Variants in WDR33 observed in about 807,000 individuals in gnomAD.
WDR33 encodes the protein pre-mRNA 3' end processing protein WDR33.
WDR33 carries 47 observed loss-of-function variants against 164.9 expected under a neutral mutation model. That is an observed-to-expected ratio of 0.29 (90% CI 0.23 to 0.36). The LOEUF (loss-of-function observed/expected upper bound fraction) is 0.36. WDR33 is among the 10% of genes least tolerant of loss of function. The pLI, the probability that WDR33 is intolerant of heterozygous loss-of-function variation, is 1.00. For synonymous variants in WDR33, 505 were observed against 589.0 expected (o/e 0.86, Z 2.06); for missense variants, 1,137 against 1,754.1 (o/e 0.65, Z 6.28).
rs776565853 is a variant in WDR33, at chr2:127,706,313, G to C, written c.*10C>G. ...GTCCAGAGAGGCCTCAGGGTACTCA[G>C]TTCCAGCTTCTACCGACCCCTTCCA... On this transcript the variant is annotated 3_prime_UTR_variant, in exon 22 of 22. Transcript: ENST00000322313. This position sits in a 1 kb window ranked among gnomAD's most constrained non-coding sequence, Gnocchi z 5.1. 1.3e-6 allele frequency: 2 copies of C among 1,546,444 alleles called. No individual in the cohort carries two copies. Among genetic ancestry groups the C allele is most frequent in the East Asian group, 4.5e-5 (2 of 44,094 alleles).
intron 4 of WDR33, among the ~76,000 whole-genome samples, 196 bp from the exon 5 acceptor site, chr2:127,765,465 T>TGGTTTATTA (rs1687793523): frequency 6.6e-6 from 1 of 152,242 alleles, no homozygotes; most frequent in East Asian, 1.9e-4. Context: ...TCTAGTCCTT[T>TGGTTTATTA]GGTTTATTAG....
intron 7 of WDR33, among the ~76,000 whole-genome samples, chr2:127,746,307 C>T (rs1413254622): frequency 2.0e-5 from 3 of 152,170 alleles, no homozygotes; most frequent in Admixed American, 6.5e-5. Context: ...TATTCCAATA[C>T]TAATTTTTGA....
chr2:127,772,255 G>A (rs971736210), intron 1 of WDR33, among the ~76,000 whole-genome samples: 1 of 152,230 alleles, frequency 6.6e-6, no homozygotes, highest in South Asian at 2.1e-4. Flanking sequence ...TGGCCAACAT[G>A]GTGAAACCCC....
At position 127,723,075 on chromosome 2, in the gene WDR33, A is replaced by G; in HGVS notation, c.1292-31T>C. On this transcript the variant is annotated intron_variant, in intron 12 of 21. Coordinates refer to ENST00000322313, the MANE Select transcript of WDR33 (RefSeq NM_018383.5). This position sits in a 1 kb window ranked among gnomAD's most constrained non-coding sequence, Gnocchi z 5.9. ...AATAGTAATACACCATTGTCAATAG[A>G]GAATTTACAAAAGTAGCGACTGATA... is the stretch of plus-strand genomic sequence containing the variant. 6.4e-7 allele frequency: 1 copy of G among 1,560,078 alleles called. No individual in the cohort carries two copies. Among genetic ancestry groups the G allele is most frequent in the Non-Finnish European group, 8.7e-7 (1 of 1,150,846 alleles).
At chr2:127,729,961 C>G (rs1837308) in intron 7 of WDR33, among the ~76,000 whole-genome samples, 20,087 of 152,104 alleles carry the variant, frequency 0.13, 1,448 homozygotes, top group South Asian at 0.25. Context: ...CAGAGGGACA[C>G]ACACCCACGC....
intron 7 of WDR33, among the ~76,000 whole-genome samples, chr2:127,730,289 T>A (rs941245990): frequency 6.6e-6 from 1 of 152,196 alleles, no homozygotes; most frequent in Non-Finnish European, 1.5e-5. Context: ...TAAGCTGGAA[T>A]AGAAGAAAAT....
chr2:127,743,022 A>G (rs1250577992), intron 7 of WDR33, among the ~76,000 whole-genome samples: 1 of 152,156 alleles, frequency 6.6e-6, no homozygotes, highest in Non-Finnish European at 1.5e-5. Flanking sequence ...AAAATTCAGA[A>G]GGCAAAGGAT....
rs1229186158 is a variant in WDR33, at chr2:127,702,163, T to C, written c.*4160A>G. 1 of 1,214,452 alleles carries C rather than the reference T, an allele frequency of 8.2e-7. No individual in the cohort carries two copies. The highest frequency in any genetic ancestry group is 4.4e-5 in the Admixed American group (1 of 22,974). 75.2% of individuals were successfully genotyped at this position (1,214,452 alleles called of 1,614,324 possible). On this transcript the variant is annotated 3_prime_UTR_variant, in exon 22 of 22. Transcript: ENST00000322313. ...GGCCGCGGCGCCGGCCTCGCCAAGG[T>C]GCTGCCCGTGTGAGGACCTCGCGCC...
intron 7 of WDR33, among the ~76,000 whole-genome samples, chr2:127,752,379 A>C (rs994593316): frequency 2.0e-5 from 3 of 151,684 alleles, no homozygotes; most frequent in African/African-American, 7.3e-5. Context: ...TCATGAGGTC[A>C]GGAGATCGAG....
At chr2:127,788,277 C>A (rs1688682219) in intron 1 of WDR33, among the ~76,000 whole-genome samples, 1 of 127,874 alleles carries the variant, frequency 7.8e-6, no homozygotes, top group African/African-American at 3.1e-5. Context: ...CCGGACAGGG[C>A]GGCCGGCCGG....
At chr2:127,798,367 CA>C (rs61568967) in intron 1 of WDR33, among the ~76,000 whole-genome samples, 508 of 19,254 alleles carry the variant, frequency 0.026, no homozygotes, top group African/African-American at 0.044. Flanking sequence ...GACACCGTCG[CA>C]AAAAAAAAAA....
At position 127,720,399 on chromosome 2, in the gene WDR33, G is replaced by A. The variant is rs747862074; in HGVS notation, c.1672-46C>T. On this transcript the variant is annotated intron_variant, in intron 15 of 21. Coordinates refer to ENST00000322313, the MANE Select transcript of WDR33 (RefSeq NM_018383.5). This position sits in a 1 kb window ranked among gnomAD's most constrained non-coding sequence, Gnocchi z 5.9. ...AAGCATGTTGAATAAACAGGCCAGA[G>A]CCCTTGAAGATGACAATATTGCTAT... 1.3e-6 allele frequency: 2 copies of A among 1,490,180 alleles called. No homozygotes were observed. Among genetic ancestry groups the A allele is most frequent in the Non-Finnish European group, 1.8e-6 (2 of 1,122,250 alleles). The allele number at this position is 1,490,180 out of a possible 1,614,324, so 92.3% of individuals were successfully genotyped here. A position where few individuals can be genotyped will look rare whatever the true frequency, so the allele number is the denominator to read the frequency against.
intron 1 of WDR33, among the ~76,000 whole-genome samples, chr2:127,788,291 G>C (rs1249573482): frequency 3.9e-4 from 50 of 129,326 alleles, no homozygotes; most frequent in Non-Finnish European, 7.4e-4. Context: ...CGGCCGGGCG[G>C]GGGGCTGACC....
In WDR33 at chr2:127,725,104, T is replaced by G; in HGVS notation, c.963A>C (p.Lys321Asn). 2 of 1,613,746 alleles carry G rather than the reference T, an allele frequency of 1.2e-6. No homozygotes were observed. The highest frequency in any genetic ancestry group is 1.7e-6 in the Non-Finnish European group (2 of 1,179,932). Residue 321 changes from lysine to asparagine, a missense_variant, in exon 9 of 22, where the codon AAA becomes AAC. Coordinates refer to ENST00000322313, the MANE Select transcript of WDR33 (RefSeq NM_018383.5). Reference sequence around the variant, plus strand: ...GACCTCGGAAGACTTGAAGCTCTTCTTTTAGGTTTCTGATATCAAAAAGTT... The same window carrying G: ...GACCTCGGAAGACTTGAAGCTCTTCGTTTAGGTTTCTGATATCAAAAAGTT... ...LCKLFDIRNLKEELQVFRGHK... is the reference protein window; with the variant it reads ...LCKLFDIRNLNEELQVFRGHK...
At chr2:127,802,525 GC>G (rs1233450401) in intron 1 of WDR33, among the ~76,000 whole-genome samples, 2 of 151,932 alleles carry the variant, frequency 1.3e-5, no homozygotes, top group African/African-American at 4.8e-5. Context: ...CAGGTGATCT[GC>G]CCCCCTCGGC....
At chr2:127,809,836 A>G (rs533482249) in intron 1 of WDR33, among the ~76,000 whole-genome samples, 1 of 152,322 alleles carries the variant, frequency 6.6e-6, no homozygotes, top group African/African-American at 2.4e-5. Context: ...TGGAACTTCA[A>G]GTCTCAGCAA....
At chr2:127,774,109 T>C (rs1269708767) in intron 1 of WDR33, among the ~76,000 whole-genome samples, 1 of 145,962 alleles carries the variant, frequency 6.9e-6, no homozygotes, top group African/African-American at 2.6e-5. Flanking sequence ...TAGAGTGCAG[T>C]GGCATGATCT....
At chr2:127,767,171 C>T (rs1267964243) in intron 4 of WDR33, among the ~76,000 whole-genome samples, 3 of 152,106 alleles carry the variant, frequency 2.0e-5, no homozygotes, top group African/African-American at 7.2e-5. Flanking sequence ...CTCTATCATA[C>T]TCCTCTGATA....
At chr2:127,728,738 G>C (rs183494513) in intron 7 of WDR33, among the ~76,000 whole-genome samples, 179 of 152,234 alleles carry the variant, frequency 1.2e-3, no homozygotes, top group African/African-American at 4.1e-3. Flanking sequence ...ATTATGTATA[G>C]CTATGTATGC....
Sources: gnomAD v4.1 joint callset for allele counts (sites outside exome capture counted in the v4.1 genomes callset) on GRCh38, gnomAD v4.1.1 for gene constraint, Gnocchi (gnomAD v3.1) non-coding constraint, MANE v1.5 for transcripts, NCBI Gene and HGNC (gene_info 2026-07-23, HGNC 2026-07-21) for gene names.